NPLOC4: variants seen among roughly 807,000 people sequenced by gnomAD.
The protein encoded by NPLOC4 is nuclear protein localization protein 4 homolog.
A neutral mutation model predicts 80.6 loss-of-function variants in NPLOC4; 18 were observed. The ratio of observed to expected loss-of-function variants is 0.22; its 90% CI spans 0.15 to 0.33. The LOEUF (loss-of-function observed/expected upper bound fraction) is 0.33. Among genes scored for constraint, NPLOC4 ranks in the 10% least tolerant of loss-of-function variants. The pLI is 1.00. For missense variants in NPLOC4, 540 were observed against 786.1 expected, an observed-to-expected ratio of 0.69 and a Z score of 3.74; for synonymous variants, 313 against 301.5, an observed-to-expected ratio of 1.04 and a Z score of -0.39.
At chr17:81,636,846 C>G (rs1170582976) in intron 1 of NPLOC4, 70 bp downstream of exon 1, 2 of 1,344,206 alleles carry the variant, frequency 1.5e-6, no homozygotes, top group Non-Finnish European at 1.9e-6. Flanking sequence ...CCGCCTCCCC[C>G]ACAGGCCGAG....
intron 3 of NPLOC4, among the ~76,000 whole-genome samples, chr17:81,619,552 A>AGG (rs201676312): frequency 4.3e-5 from 5 of 115,192 alleles, no homozygotes; most frequent in African/African-American, 1.8e-4. Flanking sequence ...CTCTGTCTCA[A>AGG]GAAAAAAAAA....
intron 12 of NPLOC4, among the ~76,000 whole-genome samples, chr17:81,574,876 A>AAC (rs71166157): frequency 0.12 from 17,673 of 148,944 alleles, 1,234 homozygotes; most frequent in Non-Finnish European, 0.16. Flanking sequence ...CAAACAAACA[A>AAC]ACACACACAC....
chr17:81,588,741 T>G (rs549515239), intron 12 of NPLOC4, among the ~76,000 whole-genome samples: 1 of 152,352 alleles, frequency 6.6e-6, no homozygotes, highest in East Asian at 1.9e-4. Context: ...TAGCTCCACT[T>G]CTGGTGAGAA....
intron 2 of NPLOC4, among the ~76,000 whole-genome samples, chr17:81,629,480 G>A (rs374786782): frequency 2.0e-5 from 3 of 152,190 alleles, no homozygotes; most frequent in African/African-American, 4.8e-5. Context: ...GAGCCACCAC[G>A]CCCAGCCGTG....
intron 11 of NPLOC4, among the ~76,000 whole-genome samples, chr17:81,590,191 C>T (rs1278887870): frequency 6.6e-6 from 1 of 152,254 alleles, no homozygotes; most frequent in East Asian, 1.9e-4. Context: ...GGTGCCACTC[C>T]ACGGCCGTGG....
chr17:81,609,017 T>C (rs1465791157), intron 5 of NPLOC4, 195 bp from the exon 6 acceptor site: 3 of 480,296 alleles, frequency 6.2e-6, no homozygotes, highest in African/African-American at 5.9e-5. Context: ...AATTGTTTTT[T>C]GTTTGTTTGT....
At chr17:81,633,127 C>CAAAAA (rs57190405) in intron 1 of NPLOC4, among the ~76,000 whole-genome samples, 2 of 105,838 alleles carry the variant, frequency 1.9e-5, no homozygotes, top group African/African-American at 3.5e-5. Context: ...GACTCCGTCT[C>CAAAAA]AAAAAAAAAA....
At chr17:81,600,790 T>C (rs1008156520) in intron 8 of NPLOC4, among the ~76,000 whole-genome samples, 15 of 152,138 alleles carry the variant, frequency 9.9e-5, no homozygotes, top group African/African-American at 3.6e-4. Flanking sequence ...CTTGGATAAG[T>C]AGCTTCACTC....
intron 3 of NPLOC4, among the ~76,000 whole-genome samples, chr17:81,620,169 A>G (rs2035626635): frequency 6.6e-6 from 1 of 152,214 alleles, no homozygotes; most frequent in Admixed American, 6.5e-5. Context: ...AAGCAAGACT[A>G]ACTGGCAGTG....
intron 16 of NPLOC4, chr17:81,564,057 G>GGA (rs1372328236): frequency 2.7e-6 from 1 of 371,354 alleles, no homozygotes; most frequent in Non-Finnish European, 5.3e-6. Flanking sequence ...CTCCAGCCTG[G>GGA]GAGACAGGGT....
intron 3 of NPLOC4, 58 bp from the exon 4 acceptor site, chr17:81,613,552 G>A: frequency 3.3e-6 from 5 of 1,522,964 alleles, no homozygotes; most frequent in Non-Finnish European, 4.4e-6. Context: ...CTTCATGGAA[G>A]CCCAACTTGG....
At chr17:81,589,215 G>GTTTT in intron 11 of NPLOC4, 111 bp from the exon 12 acceptor site, 1 of 964,626 alleles carries the variant, frequency 1.0e-6, no homozygotes, top group Non-Finnish European at 1.5e-6. Context: ...TCAAGAGTTT[G>GTTTT]TCGGGGGTAA....
intron 5 of NPLOC4, 113 bp from the exon 6 acceptor site, chr17:81,608,935 C>T: frequency 1.4e-6 from 1 of 728,352 alleles, no homozygotes; most frequent in Non-Finnish European, 2.3e-6. Context: ...CAAGTCAAGG[C>T]CCACAGTGAA....
intron 13 of NPLOC4, among the ~76,000 whole-genome samples, chr17:81,569,673 G>C (rs973768046): frequency 2.0e-5 from 3 of 152,336 alleles, no homozygotes; most frequent in African/African-American, 7.2e-5. Context: ...TTTCCAGGCA[G>C]GGGTGAATGT....
rs2033665781 is a variant in NPLOC4 at position 81,557,165 on chromosome 17, G to A, written c.*2094C>T. On this transcript the variant is annotated 3_prime_UTR_variant, in exon 17 of 17. Coordinates refer to ENST00000331134, the MANE Select transcript of NPLOC4 (RefSeq NM_017921.4). The stretch of plus-strand genomic sequence containing the variant: ...GAGGGTGTGTCCACACCAAGGGCAG[G>A]TGAAGATGCGAGGTGGGGCTGAGAC... 6.6e-6 allele frequency: 1 copy of A among 152,340 alleles called. No homozygotes were observed. The highest frequency in any genetic ancestry group is 2.4e-5 in the African/African-American group (1 of 41,450). 9.4% of individuals were successfully genotyped at this position (152,340 alleles called of 1,614,324 possible). A position where few individuals can be genotyped will look rare whatever the true frequency, so the allele number is the denominator to read the frequency against.
chr17:81,630,473 G>A (rs1054776585), intron 1 of NPLOC4, among the ~76,000 whole-genome samples: 5 of 151,926 alleles, frequency 3.3e-5, no homozygotes, highest in East Asian at 1.9e-4. Flanking sequence ...TTGTAGTGAC[G>A]GAGTGTCATA....
rs2084351388 is a variant in NPLOC4, at chr17:81,559,132, A to C, written c.*127T>G. ...GCTTCAGTGGGTCAGGGAGCCCAGG[A>C]CAGCCAGCCCCTTGTTCCTCCAGGG... is the stretch of plus-strand genomic sequence containing the variant. On this transcript the variant is annotated 3_prime_UTR_variant, in exon 17 of 17. Coordinates refer to ENST00000331134, the MANE Select transcript of NPLOC4 (RefSeq NM_017921.4). 2 of 1,109,694 alleles carry C rather than the reference A, an allele frequency of 1.8e-6. No individual in the cohort carries two copies. The highest frequency in any genetic ancestry group is 1.7e-5 in the South Asian group (1 of 60,218). The allele number at this position is 1,109,694 out of a possible 1,614,324, so 68.7% of individuals were successfully genotyped here.
chr17:81,561,460 A>G (rs2033846049), intron 16 of NPLOC4, among the ~76,000 whole-genome samples: 2 of 152,212 alleles, frequency 1.3e-5, no homozygotes, highest in African/African-American at 4.8e-5. Context: ...GTTTAGATAA[A>G]TTTATTTATC....
chr17:81,570,288 T>A (rs537969908), intron 13 of NPLOC4, among the ~76,000 whole-genome samples: 1 of 152,332 alleles, frequency 6.6e-6, no homozygotes, highest in Admixed American at 6.5e-5. Flanking sequence ...AGGATGAAGA[T>A]GATCGGAGTA....
Sources: allele counts gnomAD v4.1 joint callset (sites outside exome capture counted in the v4.1 genomes callset), GRCh38; gene constraint gnomAD v4.1.1; transcripts MANE v1.5; gene names NCBI Gene and HGNC (gene_info 2026-07-23, HGNC 2026-07-21).